PTBP2: variants seen among roughly 807,000 people sequenced by gnomAD.
PTBP2 encodes the protein polypyrimidine tract binding protein 2, also known as polypyrimidine tract-binding protein 2.
PTBP2 carries 13 observed loss-of-function variants against 61.4 expected under a neutral mutation model. The ratio of observed to expected loss-of-function variants is 0.21; its 90% CI spans 0.14 to 0.34. The LOEUF (loss-of-function observed/expected upper bound fraction) is 0.34. Among genes scored for constraint, PTBP2 ranks in the 10% least tolerant of loss-of-function variants. The probability of loss-of-function intolerance (pLI) is 1.00; values close to 1 mark genes in which losing one functional copy is unlikely to be tolerated. For synonymous variants in PTBP2, 215 were observed against 218.5 expected, an observed-to-expected ratio of 0.98 and a Z score of 0.14; for missense variants, 405 against 642.6, an observed-to-expected ratio of 0.63 and a Z score of 4.00.
In PTBP2 at chr1:96,799,294, C is replaced by CTTTTTTTTTTTTTTTTTTT. The variant is rs373815292; in HGVS notation, c.905-5505_905-5487dup. 1.6e-3 allele frequency among the ~76,000 whole-genome samples: 144 copies of CTTTTTTTTTTTTTTTTTTT among 92,160 alleles called. 21 individuals carry two copies. Among genetic ancestry groups the CTTTTTTTTTTTTTTTTTTT allele is most frequent in the African/African-American group, 5.3e-3 (109 of 20,650 alleles). The allele number at this position is 92,160 out of a possible 152,430, so 60.5% of individuals were successfully genotyped here. Reference sequence around the variant, plus strand: ...ATAGCAATCCTCAGAATAGATCAAGCTTTTTTTTTTTTTTTTTTTGAGATG... The same window carrying CTTTTTTTTTTTTTTTTTTT: ...ATAGCAATCCTCAGAATAGATCAAGCTTTTTTTTTTTTTTTTTTTTTTTTTTTTTTTTTTTTTTGAGATG... On this transcript the variant is annotated intron_variant, in intron 8 of 13. Transcript: ENST00000674951.
rs776118808 is a variant in PTBP2, at chr1:96,801,368, G to A, written c.905-3432G>A. On this transcript the variant is annotated intron_variant, in intron 8 of 13. Transcript: ENST00000674951. ...AGCACTCCATATGTATAAAGCATGT[G>A]AATATTTGGTAGCATTTTACAAATG... Among the ~76,000 whole-genome samples the A allele has an allele frequency of 1.0e-3, 156 of 152,236 alleles. 1 individual carries two copies. Among genetic ancestry groups the A allele is most frequent in the Middle Eastern group, 6.8e-3 (2 of 294 alleles).
intron 7 of PTBP2, among the ~76,000 whole-genome samples, chr1:96,781,968 A>G (rs1172624108): frequency 6.6e-6 from 1 of 151,980 alleles, no homozygotes; most frequent in African/African-American, 2.4e-5. Flanking sequence ...CAGCTTTTAT[A>G]ATGTTGAGGA....
chr1:96,801,118 C>G (rs1047834778), intron 8 of PTBP2, among the ~76,000 whole-genome samples: 6 of 151,838 alleles, frequency 4.0e-5, no homozygotes, highest in African/African-American at 1.5e-4. Flanking sequence ...ATGTTTAGAT[C>G]AATACTGTAT....
intron 11 of PTBP2, among the ~76,000 whole-genome samples, chr1:96,811,456 C>CATG (rs1401328916): frequency 6.6e-6 from 1 of 152,094 alleles, no homozygotes; most frequent in African/African-American, 2.4e-5. Flanking sequence ...CTCGCTCTGT[C>CATG]ACCCAGGCTG....
At chr1:96,823,131 T>G (rs567826884) in exon 14 of PTBP2, 5 of 152,320 alleles carry the variant, frequency 3.3e-5, no homozygotes, top group African/African-American at 4.8e-5. Context: ...CAGCTAATTT[T>G]TTTGTATCTT....
intron 5 of PTBP2, among the ~76,000 whole-genome samples, chr1:96,775,229 C>T (rs533254512): frequency 3.9e-5 from 6 of 152,172 alleles, no homozygotes; most frequent in South Asian, 2.1e-4. Context: ...TTTGAAAACT[C>T]GAAATATCTA....
chr1:96,726,583 G>A (rs1416406109), intron 2 of PTBP2, among the ~76,000 whole-genome samples: 4 of 151,906 alleles, frequency 2.6e-5, no homozygotes, highest in Non-Finnish European at 1.5e-5. Context: ...GACTACAGGC[G>A]CCTGCCACCA....
At chr1:96,791,951 A>G (rs920390185) in intron 8 of PTBP2, among the ~76,000 whole-genome samples, 1 of 148,676 alleles carries the variant, frequency 6.7e-6, no homozygotes, top group African/African-American at 2.5e-5. Flanking sequence ...CTCCTGCCTC[A>G]GCCTCCCAAG....
At chr1:96,746,069 A>T (rs1325946273) in intron 2 of PTBP2, among the ~76,000 whole-genome samples, 1 of 134,636 alleles carries the variant, frequency 7.4e-6, no homozygotes, top group Non-Finnish European at 1.6e-5. Context: ...CCATCTCAAA[A>T]ACAAACAAAA....
At chr1:96,817,955 T>G (rs1662544522), downstream of PTBP2, 1 of 152,096 alleles carries the variant, frequency 6.6e-6, no homozygotes, top group African/African-American at 2.4e-5. Flanking sequence ...CTCATGACAT[T>G]TAACCAATTT....
intron 3 of PTBP2, among the ~76,000 whole-genome samples, chr1:96,764,534 A>G (rs1297774712): frequency 6.6e-6 from 1 of 152,194 alleles, no homozygotes; most frequent in African/African-American, 2.4e-5. Context: ...TTTTCTGAAA[A>G]TTATTGCTAA....
intron 7 of PTBP2, among the ~76,000 whole-genome samples, chr1:96,782,948 C>A (rs1158576818): frequency 6.6e-6 from 1 of 151,292 alleles, no homozygotes; most frequent in African/African-American, 2.4e-5. Context: ...ACTTTTTTTT[C>A]TGATTGTTTT....
At chr1:96,794,123 G>C (rs1373007010) in intron 8 of PTBP2, among the ~76,000 whole-genome samples, 1 of 152,090 alleles carries the variant, frequency 6.6e-6, no homozygotes, top group African/African-American at 2.4e-5. Context: ...TATTTCATTT[G>C]TTAATACTTA....
chr1:96,766,074 C>G (rs917021831), intron 3 of PTBP2, among the ~76,000 whole-genome samples: 1 of 152,094 alleles, frequency 6.6e-6, no homozygotes, highest in Non-Finnish European at 1.5e-5. Context: ...AAAGGTCAGT[C>G]AGCAGGAGAA....
chr1:96,753,653 GACA>G (rs1361771431), intron 3 of PTBP2, among the ~76,000 whole-genome samples: 1 of 152,018 alleles, frequency 6.6e-6, no homozygotes, highest in Non-Finnish European at 1.5e-5. Context: ...AGAATTAGCA[GACA>G]AGGACGATAA....
chr1:96,748,457 T>C (rs373268965), intron 2 of PTBP2, among the ~76,000 whole-genome samples: 1 of 152,336 alleles, frequency 6.6e-6, no homozygotes, highest in African/African-American at 2.4e-5. Context: ...AGTGGTTTCT[T>C]TCTCTGACGT....
downstream of PTBP2, chr1:96,817,502 A>G (rs1662530166): frequency 1.3e-5 from 2 of 152,088 alleles, no homozygotes; most frequent in Non-Finnish European, 1.5e-5. Context: ...AAAAGTGTAC[A>G]TGTTAAAGTT....
chr1:96,738,606 G>C (rs1406777439), intron 2 of PTBP2, among the ~76,000 whole-genome samples: 2 of 152,172 alleles, frequency 1.3e-5, no homozygotes. Context: ...TTTATAATCT[G>C]AATTTCCCTT....
At chr1:96,809,173 A>G (rs1048679962) in intron 11 of PTBP2, among the ~76,000 whole-genome samples, 2 of 152,180 alleles carry the variant, frequency 1.3e-5, no homozygotes, top group Non-Finnish European at 2.9e-5. Context: ...GAGCAAATCT[A>G]TTATAGTGGT....
Sources: allele counts gnomAD v4.1 joint callset (sites outside exome capture counted in the v4.1 genomes callset), GRCh38; gene constraint gnomAD v4.1.1; transcripts MANE v1.5; gene names NCBI Gene and HGNC (gene_info 2026-07-23, HGNC 2026-07-21).